FAM13A: variants seen among roughly 807,000 people sequenced by gnomAD.
FAM13A encodes the protein family with sequence similarity 13 member A.
Under a neutral mutation model 129.6 loss-of-function variants are expected in FAM13A, and 76 were observed. That is an observed-to-expected ratio of 0.59 (90% CI 0.49 to 0.71). The LOEUF (loss-of-function observed/expected upper bound fraction) is 0.71. Among genes scored for constraint, FAM13A ranks in the 30% least tolerant of loss-of-function variants. The pLI, the probability that FAM13A is intolerant of heterozygous loss-of-function variation, is 0.00. For synonymous variants in FAM13A, 443 were observed against 449.9 expected (o/e 0.98, Z 0.20); for missense variants, 1,108 against 1,249.3 (o/e 0.89, Z 1.70).
chr4:89,052,109 A>C (rs936809218), intron 1 of FAM13A, among the ~76,000 whole-genome samples: 75 of 152,102 alleles, frequency 4.9e-4, no homozygotes, highest in Admixed American at 1.2e-3. Context: ...CTATGTGGTC[A>C]CTAAAGTTTG....
At chr4:88,749,464 T>G (rs1477578876) in intron 16 of FAM13A, among the ~76,000 whole-genome samples, 1 of 152,190 alleles carries the variant, frequency 6.6e-6, no homozygotes, top group Non-Finnish European at 1.5e-5. Context: ...AAGATAATAT[T>G]GAATTAAATT....
intron 1 of FAM13A, among the ~76,000 whole-genome samples, chr4:89,044,303 C>T (rs1455402901): frequency 6.6e-6 from 1 of 151,952 alleles, no homozygotes; most frequent in East Asian, 1.9e-4. Flanking sequence ...CATAATGTGG[C>T]TAATTAGCAC....
At chr4:88,772,314 T>C (rs776919148) in intron 11 of FAM13A, among the ~76,000 whole-genome samples, 4 of 152,198 alleles carry the variant, frequency 2.6e-5, no homozygotes, top group Admixed American at 1.3e-4. Context: ...TTGCTTAAAA[T>C]TGTATAAGCG....
chr4:89,017,365 C>G (rs1766635162), intron 3 of FAM13A, among the ~76,000 whole-genome samples: 1 of 152,046 alleles, frequency 6.6e-6, no homozygotes, highest in African/African-American at 2.4e-5. Context: ...TAGAATGATA[C>G]TGCTTGCTTT....
chr4:88,872,178 C>A (rs927728834), intron 6 of FAM13A, among the ~76,000 whole-genome samples: 4 of 152,130 alleles, frequency 2.6e-5, no homozygotes, highest in Non-Finnish European at 5.9e-5. Context: ...CCAGTACCAG[C>A]CACTGCAAAA....
At chr4:88,933,519 T>G (rs1446231614) in intron 5 of FAM13A, among the ~76,000 whole-genome samples, 2 of 152,132 alleles carry the variant, frequency 1.3e-5, no homozygotes, top group African/African-American at 4.8e-5. Flanking sequence ...AGCCTTATTT[T>G]CACTCCAGAT....
chr4:88,865,086 T>C (rs1031625461), intron 6 of FAM13A, among the ~76,000 whole-genome samples: 2 of 152,268 alleles, frequency 1.3e-5, no homozygotes, highest in African/African-American at 4.8e-5. Flanking sequence ...ATTAAGCAAA[T>C]ATGAGTCAAA....
intron 6 of FAM13A, among the ~76,000 whole-genome samples, chr4:88,875,425 G>T (rs1324870229): frequency 6.6e-6 from 1 of 152,102 alleles, no homozygotes; most frequent in Admixed American, 6.5e-5. Flanking sequence ...AATCTACAAA[G>T]AACTTAAACA....
intron 4 of FAM13A, among the ~76,000 whole-genome samples, chr4:88,942,016 T>C (rs1173101377): frequency 2.0e-5 from 3 of 152,108 alleles, no homozygotes; most frequent in Non-Finnish European, 4.4e-5. Context: ...AACATAAAAA[T>C]GAGATCCCTA....
At chr4:88,872,443 T>A (rs1280899565) in intron 6 of FAM13A, among the ~76,000 whole-genome samples, 1 of 152,154 alleles carries the variant, frequency 6.6e-6, no homozygotes, top group Non-Finnish European at 1.5e-5. Context: ...TGGAGGAAGA[T>A]CTACCAAGCA....
At chr4:88,796,710 A>G (rs1344562192) in intron 8 of FAM13A, among the ~76,000 whole-genome samples, 1 of 133,706 alleles carries the variant, frequency 7.5e-6, no homozygotes, top group Non-Finnish European at 1.7e-5. Context: ...TAGTTCAACT[A>G]GGTTTTTTTT....
chr4:89,057,049 C>A lies in FAM13A; in HGVS notation c.-85G>T, dbSNP rs1772280887. 1 of 1,590,646 alleles carries A rather than the reference C, an allele frequency of 6.3e-7. No homozygotes were observed. The highest frequency in any genetic ancestry group is 8.5e-7 in the Non-Finnish European group (1 of 1,170,824). On this transcript the variant is annotated 5_prime_UTR_variant, in exon 1 of 24. It removes an upstream start codon present in the reference 5' UTR. Coordinates refer to ENST00000264344, the MANE Select transcript of FAM13A (RefSeq NM_014883.4). ...CAAAATACTAAAATTCCATTCAGCA[C>A]ATATTCTTTGATGTGAAAAACAGCT... is the stretch of plus-strand genomic sequence containing the variant.
chr4:88,959,623 G>A (rs1021760236), intron 4 of FAM13A, among the ~76,000 whole-genome samples: 4 of 152,102 alleles, frequency 2.6e-5, no homozygotes, highest in Non-Finnish European at 5.9e-5. Flanking sequence ...GCAGAACTAC[G>A]AGCCAATTAA....
intron 5 of FAM13A, among the ~76,000 whole-genome samples, chr4:88,922,472 A>G (rs1247125652): frequency 6.6e-6 from 1 of 152,168 alleles, no homozygotes; most frequent in Non-Finnish European, 1.5e-5. Context: ...AACGAAATGA[A>G]GGCAGAAATA....
rs1392144556 is a variant in FAM13A, at chr4:88,758,810, A to G, written c.1670T>C (p.Val557Ala). ...QDAGDQEESF[V>A]SEVPQSDLTA... ...CAGGTCCGACTGGGGCACTTCGGAG[A>G]CAAAGCTCTCCTCCTGGTCACCGGC... Residue 557 changes from valine (V) to alanine (A), a missense_variant, in exon 14 of 24, where the codon GTC (valine) becomes GCC (alanine). Coordinates refer to ENST00000264344, the MANE Select transcript of FAM13A (RefSeq NM_014883.4). The G allele has an allele frequency of 1.9e-6, 3 of 1,613,930 alleles. No individual in the cohort carries two copies. The highest frequency in any genetic ancestry group is 2.5e-6 in the Non-Finnish European group (3 of 1,179,942).
chr4:88,841,186 C>T (rs1291838953), intron 7 of FAM13A, among the ~76,000 whole-genome samples: 2 of 152,092 alleles, frequency 1.3e-5, no homozygotes, highest in Non-Finnish European at 2.9e-5. Flanking sequence ...AAATTTTGTG[C>T]TTCAAAGGAC....
intron 3 of FAM13A, among the ~76,000 whole-genome samples, chr4:89,013,983 T>C (rs1766102963): frequency 6.6e-6 from 1 of 152,136 alleles, no homozygotes; most frequent in South Asian, 2.1e-4. Flanking sequence ...AGTGTGGGCA[T>C]GGGGGTAAGT....
chr4:88,900,610 C>T (rs1224157611), intron 6 of FAM13A, among the ~76,000 whole-genome samples: 2 of 152,056 alleles, frequency 1.3e-5, no homozygotes, highest in South Asian at 2.1e-4. Flanking sequence ...GGGAATTTGT[C>T]ACCACCAGGC....
At chr4:88,788,703 C>T (rs1339114801) in intron 9 of FAM13A, among the ~76,000 whole-genome samples, 1 of 152,092 alleles carries the variant, frequency 6.6e-6, no homozygotes, top group African/African-American at 2.4e-5. Flanking sequence ...TTTAGCACCA[C>T]ATTATTTCCA....
Sources: gnomAD v4.1 joint callset for allele counts (sites outside exome capture counted in the v4.1 genomes callset) on GRCh38, gnomAD v4.1.1 for gene constraint, MANE v1.5 for transcripts, NCBI Gene and HGNC (gene_info 2026-07-23, HGNC 2026-07-21) for gene names.